The following FEZF1 variants were observed in gnomAD, a reference collection of about 807,000 sequenced individuals.
FEZF1 encodes fez family zinc finger protein 1.
A neutral mutation model predicts 32.4 loss-of-function variants in FEZF1; 8 were observed. The observed-to-expected ratio is 0.25, with a 90% confidence interval of 0.15 to 0.45. The LOEUF (loss-of-function observed/expected upper bound fraction) is 0.45, where lower values mean the gene tolerates loss of function less well. Among genes scored for constraint, FEZF1 ranks in the 20% least tolerant of loss-of-function variants. The pLI is 1.00. For missense variants in FEZF1, 546 were observed against 622.3 expected (o/e 0.88, Z 1.31); for synonymous variants, 259 against 265.2 (o/e 0.98, Z 0.23).
Position 122,303,174 on chromosome 7 carries a change from C to T in FEZF1, c.936+3G>A, listed in dbSNP as rs1284816339. The T allele has an allele frequency of 9.9e-6, 16 of 1,614,154 alleles. No individual in the cohort carries two copies. The highest frequency in any genetic ancestry group is 1.3e-5 in the Non-Finnish European group (15 of 1,180,036). On this transcript the variant is annotated splice_donor_region_variant and intron_variant, in intron 2 of 3. Coordinates refer to ENST00000442488, the MANE Select transcript of FEZF1 (RefSeq NM_001024613.4). ...TAGGTGAAATTGAGACAGATGAACA[C>T]ACCTGCGTGTGAATGATCTTGTGCC...
chr7:122,302,006 G>A lies in FEZF1; in HGVS notation c.1419C>T (p.Gly473=), dbSNP rs1232725320. The A allele has an allele frequency of 5.7e-6, 9 of 1,590,580 alleles. No homozygotes were observed. In the South Asian group the frequency reaches 7.8e-5, roughly 14 times the overall value. ...PGPLQPGLHQ[G]HQ ...GGACCCTTAGCCTCGATCACTGGTGGCCCTGGTGGAGCCCGGGCTGCAGGG... is the reference window on the plus strand; with the variant it reads ...GGACCCTTAGCCTCGATCACTGGTGACCCTGGTGGAGCCCGGGCTGCAGGG... Residue 473 remains glycine, a synonymous_variant, in exon 4 of 4, where the codon GGC becomes GGT. Transcript: ENST00000442488. The surrounding 1 kb of genome is among the most constrained non-coding windows in gnomAD (Gnocchi z 4.4).
In FEZF1 at chr7:122,304,300, C is replaced by T. The variant is rs1357405813; in HGVS notation, c.138G>A (p.Leu46=). The T allele has an allele frequency of 3.7e-6, 6 of 1,612,836 alleles. No homozygotes were observed. The Admixed American group carries it at 1.0e-4, about 27-fold the overall frequency. ...IMARTPEPKA[L]PVPHFLQGAL... ...CTCCCTGCAGGAAGTGGGGGACTGG[C>T]AGGGCCTTGGGCTCTGGGGTGCGCG... The change falls in exon 1 of 4, where the codon CTG becomes CTA. Residue 46 remains leucine (L), a synonymous_variant. Transcript: ENST00000442488.
In FEZF1 at chr7:122,303,681, G is replaced by C; in HGVS notation, c.757C>G (p.Pro253Ala). ...GTGAAAACTTTGGGCTTGGCATTAG[G>C]AGAGCCTCGGCTGAAATCCGAGGTT... ...FKTSDFSRGS[P>A]NAKPKVFTCE... is the part of the protein sequence containing the mutation. The change falls in exon 1 of 4, where the codon CCT becomes GCT. Residue 253 changes from proline to alanine, a missense_variant. Transcript: ENST00000442488. The C allele has an allele frequency of 6.2e-7, 1 of 1,614,158 alleles. No homozygotes were observed. Among genetic ancestry groups the C allele is most frequent in the African/African-American group, 1.3e-5 (1 of 75,038 alleles).
chr7:122,302,953 C>A lies in FEZF1; in HGVS notation c.937-22G>T. On this transcript the variant is annotated intron_variant, in intron 2 of 3. Coordinates refer to ENST00000442488, the MANE Select transcript of FEZF1 (RefSeq NM_001024613.4). This position sits in a 1 kb window ranked among gnomAD's most constrained non-coding sequence, Gnocchi z 4.4. ...TTTCCTAAGCAGGAGAAAGGAAAAG[C>A]AGAGACATTTAGATATTTTCTAATT... 1 of 1,591,342 alleles carries A rather than the reference C, an allele frequency of 6.3e-7. No homozygotes were observed. Among genetic ancestry groups the A allele is most frequent in the Non-Finnish European group, 8.5e-7 (1 of 1,169,808 alleles).
At position 122,303,895 on chromosome 7, in the gene FEZF1, C is replaced by T. The variant is rs1284392993; in HGVS notation, c.543G>A (p.Val181=). The T allele has an allele frequency of 6.2e-6, 10 of 1,613,962 alleles. No homozygotes were observed. Among genetic ancestry groups the T allele is most frequent in the Non-Finnish European group, 8.5e-6 (10 of 1,179,862 alleles). ...AAGGGGAACTGAGGAAGTAGGAGGC[C>T]ACCGGGTGGATGTTCACGCCGGCTG... ...HPAAGVNIHP[V]ASYFLSSPLH... Residue 181 remains valine, a synonymous_variant, in exon 1 of 4, where the codon GTG becomes GTA. Coordinates refer to ENST00000442488, the MANE Select transcript of FEZF1 (RefSeq NM_001024613.4).
upstream of FEZF1, chr7:122,305,767 C>T (rs149491567): frequency 2.1e-3 from 314 of 152,416 alleles, no homozygotes; most frequent in Middle Eastern, 0.024. Context: ...GCGCAGGCGG[C>T]AGCCTGGATG....
chr7:122,305,677 C>T (rs1447113471), upstream of FEZF1: 2 of 152,228 alleles, frequency 1.3e-5, no homozygotes, highest in African/African-American at 4.8e-5. Context: ...ATTTTAAATA[C>T]TGAATGCCGA....
At position 122,302,482 on chromosome 7, in the gene FEZF1, G is replaced by C. The variant is rs975895888; in HGVS notation, c.1070-127C>G. 2.1e-6 allele frequency: 3 copies of C among 1,411,398 alleles called. No homozygotes were observed. The highest frequency in any genetic ancestry group is 2.3e-5 in the Admixed American group (1 of 43,038). 87.4% of individuals were successfully genotyped at this position (1,411,398 alleles called of 1,614,324 possible). ...GCCACAGGTCCCACAACAAGTGCAG[G>C]GCTACTATCTGTGCCTGCACTTGTC... is the stretch of plus-strand genomic sequence containing the variant. On this transcript the variant is annotated intron_variant, in intron 3 of 3. Transcript: ENST00000442488. This position sits in a 1 kb window ranked among gnomAD's most constrained non-coding sequence, Gnocchi z 4.4.
Position 122,304,046 on chromosome 7 carries a change from A to G in FEZF1, c.392T>C (p.Leu131Pro). 1 of 1,559,176 alleles carries G rather than the reference A, an allele frequency of 6.4e-7. No individual in the cohort carries two copies. The highest frequency in any genetic ancestry group is 8.7e-7 in the Non-Finnish European group (1 of 1,154,262). Residue 131 changes from leucine to proline, a missense_variant, in exon 1 of 4, where the codon CTG becomes CCG. Around this residue, in one of 3 missense-constraint regions of FEZF1, gnomAD observed 345 missense variants for 360.6 expected, o/e 0.96. Transcript: ENST00000442488. Reference protein sequence around the residue: ...LNCALSLKGDLARDALPLQQY... With the variant: ...LNCALSLKGDPARDALPLQQY... ...CTGCAGCGGCAGCGCGTCGCGGGCC[A>G]GGTCGCCCTTGAGACTCAGTGCGCA...
chr7:122,302,994 A>G lies in FEZF1; in HGVS notation c.937-63T>C. Reference sequence around the variant, plus strand: ...TTTTCTAATTATGTGAAGTTCTGCAAGCTCAAAACACAGTAATGCTTAAAC... The same window carrying G: ...TTTTCTAATTATGTGAAGTTCTGCAGGCTCAAAACACAGTAATGCTTAAAC... On this transcript the variant is annotated intron_variant, in intron 2 of 3. Transcript: ENST00000442488. This position sits in a 1 kb window ranked among gnomAD's most constrained non-coding sequence, Gnocchi z 4.4. 6.4e-7 allele frequency: 1 copy of G among 1,555,622 alleles called. No homozygotes were observed. Among genetic ancestry groups the G allele is most frequent in the Non-Finnish European group, 8.7e-7 (1 of 1,147,928 alleles).
upstream of FEZF1, chr7:122,306,263 G>A (rs1563044497): frequency 6.5e-6 from 1 of 152,908 alleles, no homozygotes; most frequent in Non-Finnish European, 1.5e-5. Context: ...CATCTGCCTG[G>A]TGAGTTAACC....
chr7:122,307,347 T>G (rs917176041), upstream of FEZF1: 1 of 152,290 alleles, frequency 6.6e-6, no homozygotes, highest in Non-Finnish European at 1.5e-5. Flanking sequence ...CCGGGCTAGG[T>G]TGAAAGGAAA....
At position 122,303,516 on chromosome 7, in the gene FEZF1, A is replaced by AGGAAGGAG. The variant is rs1563042040; in HGVS notation, c.801+120_801+121insCTCCTTCC. 3 of 531,928 alleles carry AGGAAGGAG rather than the reference A, an allele frequency of 5.6e-6. 1 individual carries two copies. The highest frequency in any genetic ancestry group is 4.6e-5 in the South Asian group (2 of 43,690). 33.0% of individuals were successfully genotyped at this position (531,928 alleles called of 1,614,324 possible). The stretch of plus-strand genomic sequence containing the variant: ...AAGGAAGGAAGGAAGGAAGGAAGGA[A>AGGAAGGAG]GGAAGGAAGGAAGGAAGGAAGGAGG... On this transcript the variant is annotated intron_variant, in intron 1 of 3. Coordinates refer to ENST00000442488, the MANE Select transcript of FEZF1 (RefSeq NM_001024613.4).
chr7:122,304,704 A>G lies in FEZF1; in HGVS notation c.-267T>C, dbSNP rs1373572814. On this transcript the variant is annotated 5_prime_UTR_variant, in exon 1 of 4. Transcript: ENST00000442488. ...ATAGAAAGTGTTGTGTCAATAACGC[A>G]GCCAAGATCTCGCCAATCGTTAACT... The G allele has an allele frequency of 4.9e-6, 2 of 407,704 alleles. No individual in the cohort carries two copies. The highest frequency in any genetic ancestry group is 9.0e-6 in the Non-Finnish European group (2 of 222,526). 25.3% of individuals were successfully genotyped at this position (407,704 alleles called of 1,614,324 possible).
chr7:122,307,678 G>A (rs930640990), upstream of FEZF1, among the ~76,000 whole-genome samples: 6 of 152,248 alleles, frequency 3.9e-5, no homozygotes, highest in Non-Finnish European at 8.8e-5. Context: ...AGTCTTTTCA[G>A]GATTTGCCCT....
rs960256644 is a variant in FEZF1, at chr7:122,304,511, C to T, written c.-74G>A. On this transcript the variant is annotated 5_prime_UTR_variant, in exon 1 of 4. Transcript: ENST00000442488. ...TGCCTTGTTCCCTGCTTGTCACAGA[C>T]CTGCGGAGAGGGGGACGGGCACCAT... 8.3e-6 allele frequency: 11 copies of T among 1,330,498 alleles called. No homozygotes were observed. The Middle Eastern group carries it at 1.2e-3, about 150-fold the overall frequency. The allele number at this position is 1,330,498 out of a possible 1,614,324, so 82.4% of individuals were successfully genotyped here.
chr7:122,302,036 C>A lies in FEZF1; in HGVS notation c.1389G>T (p.Pro463=). 2 of 1,601,312 alleles carry A rather than the reference C, an allele frequency of 1.2e-6. No individual in the cohort carries two copies. Among genetic ancestry groups the A allele is most frequent in the Non-Finnish European group, 1.7e-6 (2 of 1,178,372 alleles). ...LPPLQPPLPT[P]GPLQPGLHQG... ...GGTGGAGCCCGGGCTGCAGGGGCCC[C>A]GGGGTTGGCAGCGGCGGCTGCAGAG... The change falls in exon 4 of 4, where the codon CCG becomes CCT. Residue 463 remains proline, a synonymous_variant. Coordinates refer to ENST00000442488, the MANE Select transcript of FEZF1 (RefSeq NM_001024613.4). This position sits in a 1 kb window ranked among gnomAD's most constrained non-coding sequence, Gnocchi z 4.4.
In FEZF1 at chr7:122,303,304, T is replaced by G. The variant is rs778768667; in HGVS notation, c.809A>C (p.Asn270Thr). Residue 270 changes from asparagine (N) to threonine (T), a missense_variant, in exon 2 of 4, where the codon AAT becomes ACT. Asn to Thr is a moderately conservative substitution (Grantham distance 65). Transcript: ENST00000442488. ...FTCEVCGKVF[N>T]AHYNLTRHMP... ...GTGACGGGTTAAGTTATAGTGCGCA[T>G]TAAAGACCTTAAAATTAAACACACG... 4 of 1,613,772 alleles carry G rather than the reference T, an allele frequency of 2.5e-6. No individual in the cohort carries two copies. Among genetic ancestry groups the G allele is most frequent in the Non-Finnish European group, 3.4e-6 (4 of 1,180,020 alleles).
upstream of FEZF1, chr7:122,306,390 A>G (rs1584963183): frequency 6.6e-6 from 1 of 152,238 alleles, no homozygotes; most frequent in Non-Finnish European, 1.5e-5. Flanking sequence ...ATAACGGCGG[A>G]CTAGAAACCC....
Sources: allele counts gnomAD v4.1 joint callset (sites outside exome capture counted in the v4.1 genomes callset), GRCh38; gene constraint gnomAD v4.1.1; regional missense constraint gnomAD v4.1.1; non-coding constraint Gnocchi (gnomAD v3.1); transcripts MANE v1.5; gene names NCBI Gene and HGNC (gene_info 2026-07-23, HGNC 2026-07-21).